BMPR1A: variants seen among roughly 807,000 people sequenced by gnomAD.
BMPR1A encodes bone morphogenetic protein receptor type 1A.
BMPR1A carries 7 observed loss-of-function variants against 66.0 expected under a neutral mutation model. The ratio of observed to expected loss-of-function variants is 0.11; its 90% CI spans 0.06 to 0.20. The LOEUF is 0.20. Among genes scored for constraint, BMPR1A ranks in the 10% least tolerant of loss-of-function variants. The pLI, the probability that BMPR1A is intolerant of heterozygous loss-of-function variation, is 1.00. For synonymous variants in BMPR1A, 200 were observed against 229.7 expected (o/e 0.87, Z 1.17); for missense variants, 408 against 669.1 (o/e 0.61, Z 4.31).
intron 1 of BMPR1A, among the ~76,000 whole-genome samples, chr10:86,788,815 C>T (rs1243020597): frequency 6.6e-6 from 1 of 152,102 alleles, no homozygotes; most frequent in Non-Finnish European, 1.5e-5. Context: ...TCATATTGGC[C>T]AGGCTGGTCT....
rs546681014 is a variant in BMPR1A at position 86,876,011 on chromosome 10, A to G, written c.-8A>G. 1.6e-5 allele frequency: 26 copies of G among 1,602,428 alleles called. No homozygotes were observed. Among genetic ancestry groups the G allele is most frequent in the East Asian group, 6.7e-5 (3 of 44,650 alleles). Reference sequence around the variant, plus strand: ...GTGACAGTACACAGGAAACATTACAATTGAACAATGCCTCAGCTATACATT... The same window carrying G: ...GTGACAGTACACAGGAAACATTACAGTTGAACAATGCCTCAGCTATACATT... On this transcript the variant is annotated 5_prime_UTR_variant, in exon 3 of 13. Coordinates refer to ENST00000372037, the MANE Select transcript of BMPR1A (RefSeq NM_004329.3).
intron 4 of BMPR1A, 88 bp from the exon 5 acceptor site, chr10:86,892,039 C>A: frequency 2.0e-6 from 2 of 989,540 alleles, no homozygotes; most frequent in Non-Finnish European, 3.1e-6. Flanking sequence ...TAAAGGCCAT[C>A]TGTACCTGTT....
At position 86,829,813 on chromosome 10, in the gene BMPR1A, T is replaced by TA. The variant is rs550835213; in HGVS notation, c.-267-9050dup. Among the ~76,000 whole-genome samples the TA allele has an allele frequency of 2.9e-3, 437 of 152,336 alleles. 1 individual carries two copies. Among genetic ancestry groups the TA allele is most frequent in the African/African-American group, 7.4e-3 (306 of 41,570 alleles). On this transcript the variant is annotated intron_variant, in intron 1 of 12. Coordinates refer to ENST00000372037, the MANE Select transcript of BMPR1A (RefSeq NM_004329.3). The stretch of plus-strand genomic sequence containing the variant: ...GTTTAACCATTCACCTTTTGAAAGA[T>TA]AATCTCTTTCCCTAGTTTTTGGCTT...
intron 2 of BMPR1A, chr10:86,855,983 T>C (rs1183415027): frequency 1.6e-6 from 1 of 620,790 alleles, no homozygotes; most frequent in African/African-American, 1.8e-5. Flanking sequence ...CACTTTGCCC[T>C]TCCTTTAGCA....
chr10:86,856,257 G>A, intron 2 of BMPR1A: 1 of 520,306 alleles, frequency 1.9e-6, no homozygotes, highest in Admixed American at 2.0e-5. Context: ...GCATCTTCTT[G>A]TTTCAAAGTA....
intron 2 of BMPR1A, among the ~76,000 whole-genome samples, chr10:86,851,037 C>G (rs117929721): frequency 8.5e-5 from 13 of 152,066 alleles, no homozygotes; most frequent in Non-Finnish European, 1.5e-4. Context: ...TGAAATAAAC[C>G]AGAAATATTT....
chr10:86,790,183 AAAAAAATATATATATATATATAT>A lies in BMPR1A; in HGVS notation c.-268+33266_-268+33288del, dbSNP rs1239327508. The stretch of plus-strand genomic sequence containing the variant: ...TCTCCAAAAAAAAAAAAAAAAAAAA[AAAAAAATATATATATATATATAT>A]ATATATATATATATATATATATATA... On this transcript the variant is annotated intron_variant, in intron 1 of 12. Coordinates refer to ENST00000372037, the MANE Select transcript of BMPR1A (RefSeq NM_004329.3). Among the ~76,000 whole-genome samples, 309 of 39,580 alleles carry A rather than the reference AAAAAAATATATATATATATATAT, an allele frequency of 7.8e-3. 24 individuals carry two copies. The highest frequency in any genetic ancestry group is 0.051 in the African/African-American group (301 of 5,952). The allele number at this position is 39,580 out of a possible 152,430, so 26.0% of individuals were successfully genotyped here. A position where few individuals can be genotyped will look rare whatever the true frequency, so the allele number is the denominator to read the frequency against.
At chr10:86,857,497 T>G (rs1842657570) in intron 2 of BMPR1A, among the ~76,000 whole-genome samples, 1 of 152,222 alleles carries the variant, frequency 6.6e-6, no homozygotes, top group African/African-American at 2.4e-5. Context: ...CTTAATGACA[T>G]GAAACCCTAA....
chr10:86,862,944 A>G (rs1008183784), intron 2 of BMPR1A, among the ~76,000 whole-genome samples: 7 of 151,362 alleles, frequency 4.6e-5, no homozygotes, highest in African/African-American at 1.7e-4. Context: ...TGCTGATAAC[A>G]TTGTTAAGTC....
intron 1 of BMPR1A, among the ~76,000 whole-genome samples, chr10:86,784,413 T>A: frequency 6.6e-6 from 1 of 152,220 alleles, no homozygotes; most frequent in Admixed American, 6.5e-5. Context: ...TACTGATTTT[T>A]GTGTGTTGAG....
intron 1 of BMPR1A, among the ~76,000 whole-genome samples, chr10:86,781,930 G>A (rs529386701): frequency 3.0e-4 from 43 of 142,792 alleles, no homozygotes; most frequent in South Asian, 3.0e-3. Flanking sequence ...GCAGTGGCGC[G>A]ATCTGGGCTC....
At chr10:86,860,536 G>T (rs535344336) in intron 2 of BMPR1A, among the ~76,000 whole-genome samples, 1 of 152,056 alleles carries the variant, frequency 6.6e-6, no homozygotes, top group Non-Finnish European at 1.5e-5. Context: ...TTGGGAGGCC[G>T]AAGCTGGTGG....
In BMPR1A at chr10:86,925,423, A is replaced by G; in HGVS notation, c.*1704A>G. On this transcript the variant is annotated 3_prime_UTR_variant, in exon 13 of 13. Coordinates refer to ENST00000372037, the MANE Select transcript of BMPR1A (RefSeq NM_004329.3). ...AATTTGACTATCATTTAAGGTTAAAACTTACAAATTTGTCTGCACATCAAA... is the reference window on the plus strand; with the variant it reads ...AATTTGACTATCATTTAAGGTTAAAGCTTACAAATTTGTCTGCACATCAAA... The G allele has an allele frequency of 4.6e-6, 1 of 217,090 alleles. No individual in the cohort carries two copies. Among genetic ancestry groups the G allele is most frequent in the Non-Finnish European group, 9.3e-6 (1 of 107,978 alleles). The allele number at this position is 217,090 out of a possible 1,614,324, so 13.4% of individuals were successfully genotyped here.
At chr10:86,846,799 G>T (rs189761583) in intron 2 of BMPR1A, among the ~76,000 whole-genome samples, 2 of 152,218 alleles carry the variant, frequency 1.3e-5, no homozygotes, top group East Asian at 3.9e-4. Flanking sequence ...TCCAGGTCTC[G>T]CTTTCAGGCT....
chr10:86,781,828 C>T (rs2132713348), intron 1 of BMPR1A, among the ~76,000 whole-genome samples: 1 of 144,144 alleles, frequency 6.9e-6, no homozygotes, highest in Non-Finnish European at 1.5e-5. Flanking sequence ...CCCCATGGTT[C>T]ATCCATTTTG....
rs1554890752 is a variant in BMPR1A, at chr10:86,917,172, G to A, written c.714G>A (p.Arg238=). ...RTIAKQIQMV[R]QVGKGRYGEV... The stretch of plus-strand genomic sequence containing the variant: ...TTGCCAAACAGATTCAGATGGTCCG[G>A]CAAGTTGGTAAAGGCCGATATGGAG... Residue 238 remains arginine (R), a synonymous_variant, in exon 9 of 13, where the codon CGG becomes CGA. Transcript: ENST00000372037. The A allele has an allele frequency of 1.2e-6, 2 of 1,614,016 alleles. No homozygotes were observed. The highest frequency in any genetic ancestry group is 1.7e-6 in the Non-Finnish European group (2 of 1,179,972).
intron 2 of BMPR1A, among the ~76,000 whole-genome samples, chr10:86,848,160 C>G (rs868650369): frequency 6.6e-6 from 1 of 151,938 alleles, no homozygotes; most frequent in Non-Finnish European, 1.5e-5. Context: ...CTTGAACTCC[C>G]GACCTCAAGG....
At chr10:86,868,225 G>A (rs546346489) in intron 2 of BMPR1A, among the ~76,000 whole-genome samples, 95 of 152,242 alleles carry the variant, frequency 6.2e-4, no homozygotes, top group Admixed American at 9.8e-4. Flanking sequence ...CAGGCATTTC[G>A]GTAAGATTTC....
intron 2 of BMPR1A, among the ~76,000 whole-genome samples, chr10:86,862,494 T>C (rs761458020): frequency 2.6e-5 from 4 of 152,204 alleles, no homozygotes; most frequent in Non-Finnish European, 4.4e-5. Flanking sequence ...GTGATGTGGT[T>C]TAACATGCTT....
Sources: allele counts gnomAD v4.1 joint callset (sites outside exome capture counted in the v4.1 genomes callset), GRCh38; gene constraint gnomAD v4.1.1; transcripts MANE v1.5; gene names NCBI Gene and HGNC (gene_info 2026-07-23, HGNC 2026-07-21).